Variants in GRM4 observed in about 807,000 individuals in gnomAD.
GRM4 encodes the protein metabotropic glutamate receptor 4.
Under a neutral mutation model 81.7 loss-of-function variants are expected in GRM4, and 28 were observed. That is an observed-to-expected ratio of 0.34 (90% CI 0.25 to 0.47). The LOEUF is 0.47. Ranked by LOEUF, GRM4 falls within the 20% of genes least tolerant of loss-of-function variation. The pLI is 1.00. For synonymous variants in GRM4, 488 were observed against 528.8 expected (o/e 0.92, Z 1.06); for missense variants, 948 against 1,290.0 (o/e 0.73, Z 4.06).
At position 34,059,467 on chromosome 6, in the gene GRM4, A is replaced by C; in HGVS notation, c.873-339T>G. ...GCCCCACGTCTGACTCAGGCCCCAC[A>C]ACCACCTCTGCCCAGCCCCGGTCCC... On this transcript the variant is annotated intron_variant, in intron 4 of 10. Transcript: ENST00000538487. This position sits in a 1 kb window ranked among gnomAD's most constrained non-coding sequence, Gnocchi z 5.7. 2.8e-6 allele frequency: 1 copy of C among 351,204 alleles called. No homozygotes were observed. The highest frequency in any genetic ancestry group is 5.4e-6 in the Non-Finnish European group (1 of 185,768). The allele number at this position is 351,204 out of a possible 1,614,324, so 21.8% of individuals were successfully genotyped here.
chr6:34,023,108 C>G (rs966215905), intron 10 of GRM4, among the ~76,000 whole-genome samples: 8 of 152,340 alleles, frequency 5.3e-5, no homozygotes, highest in African/African-American at 1.9e-4. Context: ...TGTTTCGCAC[C>G]TCCACGCCTT....
chr6:34,094,653 A>C (rs1768413829), intron 2 of GRM4, among the ~76,000 whole-genome samples: 1 of 152,100 alleles, frequency 6.6e-6, no homozygotes, highest in Non-Finnish European at 1.5e-5. Flanking sequence ...CCTGAGAGAC[A>C]AGTGTTTTGT....
chr6:34,154,547 A>G (rs1001586512), intron 1 of GRM4, among the ~76,000 whole-genome samples: 6 of 151,360 alleles, frequency 4.0e-5, no homozygotes, highest in Non-Finnish European at 7.4e-5. Flanking sequence ...GGGTGGTCGG[A>G]TGGACAGACA....
At chr6:34,044,851 GACAC>G (rs750848710) in intron 6 of GRM4, among the ~76,000 whole-genome samples, 4 of 99,820 alleles carry the variant, frequency 4.0e-5, no homozygotes, top group African/African-American at 9.4e-5. Context: ...TATATACATA[GACAC>G]ACACACAGAC....
chr6:34,155,175 C>T (rs566575395), exon 1 of GRM4: 14 of 1,535,528 alleles, frequency 9.1e-6, no homozygotes, highest in African/African-American at 1.4e-5. Context: ...CGTGCGCGGC[C>T]AGGCTCACCT....
At chr6:34,044,169 CATATACAT>C (rs1362652694) in intron 6 of GRM4, among the ~76,000 whole-genome samples, 10 of 84,994 alleles carry the variant, frequency 1.2e-4, no homozygotes, top group Admixed American at 3.3e-4. Context: ...CATACACACA[CATATACAT>C]ACATACACAT....
chr6:34,139,589 A>G (rs1460012413), intron 1 of GRM4, among the ~76,000 whole-genome samples: 2 of 152,132 alleles, frequency 1.3e-5, no homozygotes, highest in East Asian at 3.9e-4. Flanking sequence ...CATGTTAACA[A>G]TGACCAGGCT....
chr6:34,070,245 G>A lies in GRM4; in HGVS notation c.737-8217C>T, dbSNP rs925948615. 6.6e-6 allele frequency among the ~76,000 whole-genome samples: 1 copy of A among 152,178 alleles called. No individual in the cohort carries two copies. The highest frequency in any genetic ancestry group is 6.5e-5 in the Admixed American group (1 of 15,292). The stretch of plus-strand genomic sequence containing the variant: ...CATCTACTTTGCTCTGGTCCACAGT[G>A]ATACTCTGTGCTCAGCGTCCACACG... On this transcript the variant is annotated intron_variant, in intron 3 of 10. Transcript: ENST00000538487. This position sits in a 1 kb window ranked among gnomAD's most constrained non-coding sequence, Gnocchi z 4.6.
At chr6:34,055,036 GTC>G (rs1181394594) in intron 6 of GRM4, 3 of 152,268 alleles carry the variant, frequency 2.0e-5, no homozygotes, top group African/African-American at 7.2e-5. Context: ...AAGTCACTTG[GTC>G]TCTCTGACTC....
rs763646943 is a variant in GRM4 at position 34,040,766 on chromosome 6, G to GC, written c.1169-19_1169-18insG. On this transcript the variant is annotated intron_variant, in intron 6 of 10. Coordinates refer to ENST00000538487, the MANE Select transcript of GRM4 (RefSeq NM_000841.4). ...CTCACGGTCTGCAATGAAACACCAG[G>GC]AACAGGGACACTCGTGAGGCCCACT... 2.5e-6 allele frequency: 4 copies of GC among 1,602,174 alleles called. No individual in the cohort carries two copies. The highest frequency in any genetic ancestry group is 3.4e-6 in the Non-Finnish European group (4 of 1,170,612).
rs768703711 is a variant in GRM4 at position 34,048,795 on chromosome 6, C to T, written c.1168+7749G>A. 1.2e-4 allele frequency among the ~76,000 whole-genome samples: 18 copies of T among 152,226 alleles called. No homozygotes were observed. Among genetic ancestry groups the T allele is most frequent in the Non-Finnish European group, 2.2e-4 (15 of 68,006 alleles). On this transcript the variant is annotated intron_variant, in intron 6 of 10. Coordinates refer to ENST00000538487, the MANE Select transcript of GRM4 (RefSeq NM_000841.4). The surrounding 1 kb of genome is among the most constrained non-coding windows in gnomAD (Gnocchi z 4.0). ...GCACTTCCCCTCTCGCCTTCTCTCT[C>T]CTGTTCCACCATGGTAAGCCGTGCT...
chr6:34,148,715 T>C (rs1251404615), upstream of GRM4, among the ~76,000 whole-genome samples: 4 of 152,142 alleles, frequency 2.6e-5, no homozygotes, highest in Non-Finnish European at 5.9e-5. Flanking sequence ...CTAAGAACCA[T>C]GTGACGTGGG....
chr6:34,084,726 C>T (rs1210833790), intron 3 of GRM4, among the ~76,000 whole-genome samples: 1 of 152,224 alleles, frequency 6.6e-6, no homozygotes. Context: ...GAGCTCCAAC[C>T]CAGGCCTCTC....
chr6:34,121,617 G>C lies in GRM4; in HGVS notation c.519+11361C>G, dbSNP rs1456650973. 6.6e-6 allele frequency among the ~76,000 whole-genome samples: 1 copy of C among 152,210 alleles called. No homozygotes were observed. The highest frequency in any genetic ancestry group is 1.5e-5 in the Non-Finnish European group (1 of 68,040). Reference sequence around the variant, plus strand: ...GACCAGGAGCAGGCAGCACCTTCGAGGCAGATCCCCGCTCAGGGCACCTCT... The same window carrying C: ...GACCAGGAGCAGGCAGCACCTTCGACGCAGATCCCCGCTCAGGGCACCTCT... On this transcript the variant is annotated intron_variant, in intron 2 of 10. Coordinates refer to ENST00000538487, the MANE Select transcript of GRM4 (RefSeq NM_000841.4). This position sits in a 1 kb window ranked among gnomAD's most constrained non-coding sequence, Gnocchi z 4.6.
intron 2 of GRM4, among the ~76,000 whole-genome samples, chr6:34,132,221 T>A (rs960674274): frequency 1.3e-5 from 2 of 151,930 alleles, no homozygotes; most frequent in African/African-American, 4.8e-5. Context: ...AAGGTGTGCA[T>A]GGAAGAAGGG....
At chr6:34,124,241 C>T (rs533987747) in intron 2 of GRM4, among the ~76,000 whole-genome samples, 173 of 152,292 alleles carry the variant, frequency 1.1e-3, no homozygotes, top group African/African-American at 3.8e-3. Flanking sequence ...AGTCCTGTCC[C>T]CGGGGTCTCT....
intron 2 of GRM4, among the ~76,000 whole-genome samples, chr6:34,102,592 T>C (rs1311922918): frequency 6.6e-6 from 1 of 152,122 alleles, no homozygotes; most frequent in Non-Finnish European, 1.5e-5. Flanking sequence ...GAACTCCACC[T>C]TCACCTCCTC....
intron 9 of GRM4, among the ~76,000 whole-genome samples, chr6:34,030,301 C>T (rs1283987413): frequency 6.6e-6 from 1 of 152,242 alleles, no homozygotes; most frequent in Non-Finnish European, 1.5e-5. Flanking sequence ...AGGGCTGGCT[C>T]TCCTCTCACA....
At position 34,069,489 on chromosome 6, in the gene GRM4, C is replaced by G. The variant is rs1158920195; in HGVS notation, c.737-7461G>C. Among the ~76,000 whole-genome samples, 4 of 152,192 alleles carry G rather than the reference C, an allele frequency of 2.6e-5. No homozygotes were observed. Among genetic ancestry groups the G allele is most frequent in the Non-Finnish European group, 5.9e-5 (4 of 68,028 alleles). ...GGGTGCGGGACACACGAGGGCTGGG[C>G]TGGCTCCAGCTGGATCTGGGACTGC... On this transcript the variant is annotated intron_variant, in intron 3 of 10. Transcript: ENST00000538487. The surrounding 1 kb of genome is among the most constrained non-coding windows in gnomAD (Gnocchi z 6.4).
Sources: gnomAD v4.1 joint callset for allele counts (sites outside exome capture counted in the v4.1 genomes callset) on GRCh38, gnomAD v4.1.1 for gene constraint, Gnocchi (gnomAD v3.1) non-coding constraint, MANE v1.5 for transcripts, NCBI Gene and HGNC (gene_info 2026-07-23, HGNC 2026-07-21) for gene names.